The following MYO5A variants were observed in gnomAD, a reference collection of about 807,000 sequenced individuals.
MYO5A encodes the protein myosin VA.
MYO5A carries 98 observed loss-of-function variants against 249.7 expected under a neutral mutation model. The observed-to-expected ratio is 0.39, with a 90% CI of 0.33 to 0.46. The LOEUF (loss-of-function observed/expected upper bound fraction) is 0.46. Among genes scored for constraint, MYO5A ranks in the 20% least tolerant of loss-of-function variants. The pLI is 0.98. For synonymous variants in MYO5A, 778 were observed against 810.6 expected, an observed-to-expected ratio of 0.96 and a Z score of 0.68; for missense variants, 1,696 against 2,308.8, an observed-to-expected ratio of 0.73 and a Z score of 5.44.
chr15:52,352,958 A>G (rs1278040802), intron 27 of MYO5A, among the ~76,000 whole-genome samples: 1 of 152,076 alleles, frequency 6.6e-6, no homozygotes, highest in Non-Finnish European at 1.5e-5. Flanking sequence ...CATTTCTGTA[A>G]CAGAAGACAC....
Position 52,410,314 on chromosome 15 carries a change from G to T in MYO5A, c.756+19C>A, listed in dbSNP as rs1475359193. 1.2e-6 allele frequency: 2 copies of T among 1,608,752 alleles called. No individual in the cohort carries two copies. The highest frequency in any genetic ancestry group is 2.2e-5 in the East Asian group (1 of 44,826). On this transcript the variant is annotated intron_variant, in intron 6 of 41. Coordinates refer to ENST00000399233, the MANE Select transcript of MYO5A (RefSeq NM_001382347.1). ...ACAGCAATCTAACACAAGTGCATAT[G>T]TGTATATGGCCAGCTTACCTGGAAT...
At chr15:52,517,913 G>T (rs891570987) in intron 1 of MYO5A, among the ~76,000 whole-genome samples, 2 of 151,382 alleles carry the variant, frequency 1.3e-5, no homozygotes, top group African/African-American at 4.9e-5. Flanking sequence ...TCCCTTATAT[G>T]TTCTGTATTA....
chr15:52,358,487 T>C (rs1166657897), intron 25 of MYO5A, among the ~76,000 whole-genome samples: 2 of 152,226 alleles, frequency 1.3e-5, no homozygotes, highest in East Asian at 3.8e-4. Flanking sequence ...CAACAAGAGA[T>C]GGAATCTATC....
At chr15:52,426,941 AG>A (rs1482641952) in intron 3 of MYO5A, among the ~76,000 whole-genome samples, 5 of 152,074 alleles carry the variant, frequency 3.3e-5, no homozygotes, top group Admixed American at 2.6e-4. Context: ...CTGACTTGAT[AG>A]GGTGGCCAGA....
intron 36 of MYO5A, among the ~76,000 whole-genome samples, chr15:52,327,375 T>G (rs1479169401): frequency 6.6e-6 from 1 of 152,162 alleles, no homozygotes; most frequent in Non-Finnish European, 1.5e-5. Flanking sequence ...CAGATAGACA[T>G]GTTCAAGGAA....
intron 4 of MYO5A, among the ~76,000 whole-genome samples, chr15:52,419,442 C>T (rs1190135039): frequency 6.6e-6 from 1 of 152,148 alleles, no homozygotes; most frequent in Non-Finnish European, 1.5e-5. Context: ...TACATCATCA[C>T]TCATCAAAAT....
chr15:52,318,119 T>A (rs2038113378), intron 39 of MYO5A, among the ~76,000 whole-genome samples: 1 of 152,094 alleles, frequency 6.6e-6, no homozygotes, highest in African/African-American at 2.4e-5. Flanking sequence ...ATAGGAGAAA[T>A]CATTTTTCCC....
At chr15:52,449,360 C>G (rs139825829) in intron 1 of MYO5A, among the ~76,000 whole-genome samples, 24 of 152,246 alleles carry the variant, frequency 1.6e-4, no homozygotes, top group African/African-American at 5.5e-4. Context: ...TCTCCAGTGT[C>G]ATCTCTCACC....
At chr15:52,392,797 C>T (rs956023978) in intron 11 of MYO5A, among the ~76,000 whole-genome samples, 3 of 152,236 alleles carry the variant, frequency 2.0e-5, no homozygotes, top group South Asian at 2.1e-4. Flanking sequence ...GGATGTTGCC[C>T]TCATGGAGCT....
chr15:52,372,793 TA>T, intron 20 of MYO5A, among the ~76,000 whole-genome samples: 1 of 152,136 alleles, frequency 6.6e-6, no homozygotes, highest in Non-Finnish European at 1.5e-5. Context: ...AGGCATCCTG[TA>T]AACTATGTGC....
chr15:52,436,225 T>C (rs957019211), intron 1 of MYO5A, among the ~76,000 whole-genome samples: 1 of 152,216 alleles, frequency 6.6e-6, no homozygotes, highest in African/African-American at 2.4e-5. Context: ...CCACCACACC[T>C]GGCCTGGCCA....
intron 1 of MYO5A, among the ~76,000 whole-genome samples, chr15:52,471,938 A>G (rs2076481292): frequency 6.6e-6 from 1 of 151,880 alleles, no homozygotes; most frequent in South Asian, 2.1e-4. Context: ...GGCTCAAGGA[A>G]TCCTCCTGCC....
intron 22 of MYO5A, among the ~76,000 whole-genome samples, chr15:52,368,189 G>A (rs75569671): frequency 0.036 from 5,545 of 152,202 alleles, 339 homozygotes; most frequent in African/African-American, 0.13. Context: ...CAGGGAGCAG[G>A]AAAGTTGGAT....
At chr15:52,490,035 T>C (rs1013955455) in intron 1 of MYO5A, among the ~76,000 whole-genome samples, 1 of 152,174 alleles carries the variant, frequency 6.6e-6, no homozygotes, top group African/African-American at 2.4e-5. Flanking sequence ...TCACTCCTAT[T>C]AGAATACCTA....
chr15:52,327,812 T>A (rs191156404), intron 36 of MYO5A, 40 bp downstream of exon 36: 1 of 1,556,702 alleles, frequency 6.4e-7, no homozygotes, highest in African/African-American at 1.4e-5. Context: ...CTGTCATCAT[T>A]AACAATTCAT....
Position 52,308,636 on chromosome 15 carries a change from G to A in MYO5A, c.*5060C>T, listed in dbSNP as rs1257538990. On this transcript the variant is annotated 3_prime_UTR_variant, in exon 42 of 42. Transcript: ENST00000399233. The stretch of plus-strand genomic sequence containing the variant: ...GCTCTGAGACTGTTGCTGCCCCACA[G>A]TTCTAATTCCCATTTGGAAAGGAAA... The A allele has an allele frequency of 6.6e-6, 1 of 152,458 alleles. No homozygotes were observed. Among genetic ancestry groups the A allele is most frequent in the Non-Finnish European group, 1.5e-5 (1 of 68,060 alleles). 9.4% of individuals were successfully genotyped at this position (152,458 alleles called of 1,614,324 possible).
Position 52,379,744 on chromosome 15 carries a change from A to G in MYO5A, c.2100-11T>C. ...TCTTGGTAAGTCCACCTATTAAAAGAAAACCATCTGAGTTTACTTAAAGAA... is the reference window on the plus strand; with the variant it reads ...TCTTGGTAAGTCCACCTATTAAAAGGAAACCATCTGAGTTTACTTAAAGAA... On this transcript the variant is annotated splice_polypyrimidine_tract_variant and intron_variant, in intron 17 of 41. Coordinates refer to ENST00000399233, the MANE Select transcript of MYO5A (RefSeq NM_001382347.1). 6.2e-7 allele frequency: 1 copy of G among 1,613,940 alleles called. No homozygotes were observed. Among genetic ancestry groups the G allele is most frequent in the Non-Finnish European group, 8.5e-7 (1 of 1,179,758 alleles).
intron 9 of MYO5A, among the ~76,000 whole-genome samples, chr15:52,404,327 A>G (rs2042903626): frequency 2.0e-5 from 3 of 151,222 alleles, no homozygotes; most frequent in Non-Finnish European, 4.4e-5. Context: ...TCATAAAGTC[A>G]TTTATTTTAT....
intron 1 of MYO5A, among the ~76,000 whole-genome samples, chr15:52,486,210 G>T (rs1011529786): frequency 3.3e-5 from 5 of 152,198 alleles, no homozygotes; most frequent in African/African-American, 1.2e-4. Flanking sequence ...TTCTCTGTTT[G>T]CCATGTCCAG....
Sources: allele counts gnomAD v4.1 joint callset (sites outside exome capture counted in the v4.1 genomes callset), GRCh38; gene constraint gnomAD v4.1.1; transcripts MANE v1.5; gene names NCBI Gene and HGNC (gene_info 2026-07-23, HGNC 2026-07-21).